Variants in SNX24 observed in about 807,000 individuals in gnomAD.
SNX24 encodes sorting nexin 24.
SNX24 carries 22 observed loss-of-function variants against 28.7 expected under a neutral mutation model. The ratio of observed to expected loss-of-function variants is 0.77; its 90% confidence interval spans 0.55 to 1.10. The LOEUF is 1.10. SNX24 is among the 50% of genes least tolerant of loss of function. The pLI, the probability that SNX24 is intolerant of heterozygous loss-of-function variation, is 0.00. For synonymous variants in SNX24, 69 were observed against 71.5 expected (o/e 0.96, Z 0.18); for missense variants, 221 against 201.1 (o/e 1.10, Z -0.60).
intron 1 of SNX24, among the ~76,000 whole-genome samples, chr5:122,935,412 G>A (rs2150115715): frequency 6.6e-6 from 1 of 152,052 alleles, no homozygotes; most frequent in Admixed American, 6.5e-5. Context: ...AGAGTTTGAA[G>A]CATATGCATA....
At chr5:122,992,233 G>A (rs945677023) in intron 3 of SNX24, among the ~76,000 whole-genome samples, 19 of 152,132 alleles carry the variant, frequency 1.2e-4, no homozygotes, top group African/African-American at 4.1e-4. Flanking sequence ...AGGATTTAAT[G>A]CGTGGTCCCT....
At chr5:122,911,556 C>T (rs1389082157) in intron 1 of SNX24, among the ~76,000 whole-genome samples, 1 of 149,834 alleles carries the variant, frequency 6.7e-6, no homozygotes, top group Non-Finnish European at 1.5e-5. Flanking sequence ...TGCCTATGTC[C>T]TGAATGGTAA....
chr5:122,986,090 A>G (rs1444520507), intron 3 of SNX24, among the ~76,000 whole-genome samples: 1 of 152,180 alleles, frequency 6.6e-6, no homozygotes, highest in Non-Finnish European at 1.5e-5. Flanking sequence ...AGAGAAAGGA[A>G]GCAGATGGGT....
chr5:122,932,791 G>A (rs1169997601), intron 1 of SNX24, among the ~76,000 whole-genome samples: 5 of 151,146 alleles, frequency 3.3e-5, no homozygotes, highest in African/African-American at 1.2e-4. Flanking sequence ...CCCAGGGGGC[G>A]GAGCTTGCAG....
chr5:122,854,802 G>A (rs1314997720), intron 1 of SNX24, among the ~76,000 whole-genome samples: 1 of 152,166 alleles, frequency 6.6e-6, no homozygotes, highest in African/African-American at 2.4e-5. Flanking sequence ...CTGCAGTAAA[G>A]TGATTATCTT....
At chr5:123,012,421 G>A (rs1009530582), downstream of SNX24, among the ~76,000 whole-genome samples, 1 of 152,154 alleles carries the variant, frequency 6.6e-6, no homozygotes, top group African/African-American at 2.4e-5. Context: ...AGCAAATACT[G>A]TATGATTCCA....
intron 2 of SNX24, among the ~76,000 whole-genome samples, chr5:122,941,113 A>T (rs114649838): frequency 0.028 from 4,284 of 152,130 alleles, 73 homozygotes; most frequent in Middle Eastern, 0.054. Flanking sequence ...TGACACCATA[A>T]ACTCAATCCC....
rs754015939 is a variant in SNX24 at position 122,891,165 on chromosome 5, G to GT, written c.60+45478dup. The GT allele has an allele frequency of 4.2e-6, 6 of 1,412,226 alleles. No homozygotes were observed. In the African/African-American group the frequency reaches 4.4e-5, roughly 10 times the overall value. 87.5% of individuals were successfully genotyped at this position (1,412,226 alleles called of 1,614,324 possible). On this transcript the variant is annotated intron_variant, in intron 1 of 6. Coordinates refer to ENST00000261369, the MANE Select transcript of SNX24 (RefSeq NM_014035.4). Reference sequence around the variant, plus strand: ...AGAAAACTTTACCTAGTGTTTTTTTGTTTTTTGTTTTTTTTCCTAAGTAGT... The same window carrying GT: ...AGAAAACTTTACCTAGTGTTTTTTTGTTTTTTTGTTTTTTTTCCTAAGTAGT...
At chr5:122,966,959 A>G (rs1214135299) in intron 3 of SNX24, among the ~76,000 whole-genome samples, 1 of 152,360 alleles carries the variant, frequency 6.6e-6, no homozygotes, top group African/African-American at 2.4e-5. Context: ...CTGGAGGTTA[A>G]TGCCCAGTCT....
At chr5:122,908,534 G>T (rs1581732642) in intron 1 of SNX24, among the ~76,000 whole-genome samples, 1 of 152,168 alleles carries the variant, frequency 6.6e-6, no homozygotes, top group African/African-American at 2.4e-5. Flanking sequence ...CTTGTAAACT[G>T]TAGCATAGTG....
At chr5:123,017,155 G>A (rs966129181) in intron 5 of SNX24, among the ~76,000 whole-genome samples, 31 of 152,040 alleles carry the variant, frequency 2.0e-4, no homozygotes, top group Admixed American at 8.5e-4. Flanking sequence ...CGGTATGATT[G>A]TATATAATTG....
chr5:122,987,244 T>C (rs1761641813), intron 3 of SNX24, among the ~76,000 whole-genome samples: 1 of 151,988 alleles, frequency 6.6e-6, no homozygotes, highest in South Asian at 2.1e-4. Context: ...AGAGCAATAG[T>C]TTTCGAGTGT....
chr5:123,007,722 A>G lies in SNX24; in HGVS notation c.483A>G (p.Ile161Met), dbSNP rs371468352. 1.0e-5 allele frequency: 16 copies of G among 1,590,900 alleles called. No individual in the cohort carries two copies. The highest frequency in any genetic ancestry group is 1.4e-5 in the Non-Finnish European group (16 of 1,174,342). Residue 161 changes from isoleucine to methionine, a missense_variant, in exon 7 of 7, where the codon ATA becomes ATG. Coordinates refer to ENST00000261369, the MANE Select transcript of SNX24 (RefSeq NM_014035.4). ...TTATTGAAGGAGTCCTCCATGGGAT[A>G]TTTTACCCTCATCTACAGCCCAGGT... The part of the protein sequence containing the change: ...NVVIEGVLHG[I>M]FYPHLQPR
In SNX24 at chr5:122,874,170, C is replaced by T. The variant is rs1425766605; in HGVS notation, c.60+28477C>T. Among the ~76,000 whole-genome samples, 3 of 152,172 alleles carry T rather than the reference C, an allele frequency of 2.0e-5. 1 individual carries two copies. The highest frequency in any genetic ancestry group is 4.1e-4 in the South Asian group (2 of 4,832). On this transcript the variant is annotated intron_variant, in intron 1 of 6. Transcript: ENST00000261369. ...AGATATTACTATATAAATACAGTTA[C>T]GTTAGCAAGATTAAATATGAACAAA...
chr5:122,864,338 G>C (rs1330383148), intron 1 of SNX24, among the ~76,000 whole-genome samples: 1 of 152,192 alleles, frequency 6.6e-6, no homozygotes, highest in African/African-American at 2.4e-5. Flanking sequence ...TGACGAACAA[G>C]GGTGACTCCC....
intron 1 of SNX24, among the ~76,000 whole-genome samples, chr5:122,874,878 G>T (rs898700044): frequency 2.0e-5 from 3 of 152,276 alleles, no homozygotes; most frequent in South Asian, 2.1e-4. Context: ...ATAACCAATA[G>T]GAATTGTTTT....
chr5:122,939,788 C>T (rs1209532859), intron 2 of SNX24, among the ~76,000 whole-genome samples: 1 of 152,104 alleles, frequency 6.6e-6, no homozygotes, highest in Admixed American at 6.5e-5. Context: ...TGATTAATGC[C>T]TGTTGAAGTT....
chr5:122,855,195 C>T (rs1444335105), intron 1 of SNX24, among the ~76,000 whole-genome samples: 1 of 152,096 alleles, frequency 6.6e-6, no homozygotes, highest in Non-Finnish European at 1.5e-5. Context: ...CCTCAGCCTG[C>T]CAAGTAGCTG....
intron 1 of SNX24, among the ~76,000 whole-genome samples, chr5:122,898,351 A>G (rs1303246582): frequency 6.6e-6 from 1 of 152,234 alleles, no homozygotes; most frequent in South Asian, 2.1e-4. Flanking sequence ...ACAGATAGCA[A>G]TTAAAATGCA....
Sources: gnomAD v4.1 joint callset for allele counts (sites outside exome capture counted in the v4.1 genomes callset) on GRCh38, gnomAD v4.1.1 for gene constraint, MANE v1.5 for transcripts, NCBI Gene and HGNC (gene_info 2026-07-23, HGNC 2026-07-21) for gene names.